Variants in OTOGL observed in about 807,000 individuals in gnomAD.
OTOGL encodes the protein otogelin-like protein.
OTOGL carries 285 observed loss-of-function variants against 318.5 expected under a neutral mutation model. That is an observed-to-expected ratio of 0.89 (90% confidence interval 0.81 to 0.99). OTOGL has a LOEUF of 0.99. Ranked by LOEUF, OTOGL falls within the 50% of genes least tolerant of loss-of-function variation. OTOGL has a pLI of 0.00. For missense variants in OTOGL, 2,899 were observed against 2,845.6 expected (o/e 1.02, Z -0.43); for synonymous variants, 987 against 936.5 (o/e 1.05, Z -0.99).
At chr12:80,353,595 A>G (rs1432003463) in intron 46 of OTOGL, 85 bp downstream of exon 46, 12 of 1,110,494 alleles carry the variant, frequency 1.1e-5, no homozygotes, top group Non-Finnish European at 1.3e-5. Context: ...ATGTGCTAAC[A>G]AAGGTTTATC....
chr12:80,354,027 A>T (rs1391722578), intron 46 of OTOGL, among the ~76,000 whole-genome samples: 1 of 152,178 alleles, frequency 6.6e-6, no homozygotes, highest in East Asian at 1.9e-4. Context: ...ACCAAAACTC[A>T]TGTTGAGGTT....
chr12:80,303,180 G>T (rs756652630), intron 28 of OTOGL, among the ~76,000 whole-genome samples: 17 of 151,698 alleles, frequency 1.1e-4, no homozygotes, highest in Non-Finnish European at 2.2e-4. Flanking sequence ...TTTTGAGACG[G>T]AGTCTGGCTC....
intron 15 of OTOGL, 26 bp downstream of exon 15, chr12:80,254,596 A>G (rs374316866): frequency 1.3e-6 from 2 of 1,578,988 alleles, no homozygotes; most frequent in African/African-American, 2.7e-5. Context: ...GTTTTTATAG[A>G]GAATGTTTCA....
At position 80,367,781 on chromosome 12, in the gene OTOGL, T is replaced by C. The variant is rs761941068; in HGVS notation, c.6510+42T>C. ...ATTTATTCTGGTGAGAGTTAATGCA[T>C]TCAAAAATGGCAGAGTTATAGAATT... On this transcript the variant is annotated intron_variant, in intron 54 of 58. Coordinates refer to ENST00000547103, the MANE Select transcript of OTOGL (RefSeq NM_001378609.3). 7.9e-6 allele frequency: 10 copies of C among 1,264,120 alleles called. No individual in the cohort carries two copies. In the South Asian group the frequency reaches 2.1e-4, roughly 27 times the overall value. The allele number at this position is 1,264,120 out of a possible 1,614,324, so 78.3% of individuals were successfully genotyped here. A position where few individuals can be genotyped will look rare whatever the true frequency, so the allele number is the denominator to read the frequency against.
intron 17 of OTOGL, 115 bp from the exon 18 acceptor site, chr12:80,257,710 C>G: frequency 3.7e-6 from 4 of 1,071,830 alleles, no homozygotes; most frequent in Non-Finnish European, 5.1e-6. Flanking sequence ...AACCACTAGC[C>G]TGCCTCTCCT....
At chr12:80,202,618 A>AT (rs1876540310) in intron 1 of OTOGL, among the ~76,000 whole-genome samples, 1 of 151,884 alleles carries the variant, frequency 6.6e-6, no homozygotes, top group African/African-American at 2.4e-5. Context: ...ATGTACCTTT[A>AT]TTTTTTTGCA....
chr12:80,365,390 A>G (rs943688090), intron 52 of OTOGL, among the ~76,000 whole-genome samples: 2 of 152,118 alleles, frequency 1.3e-5, no homozygotes, highest in African/African-American at 4.8e-5. Flanking sequence ...GCAACTTAGA[A>G]TAAAAGCATA....
At chr12:80,147,002 C>A (rs1203215285) in intron 1 of OTOGL, among the ~76,000 whole-genome samples, 1 of 151,954 alleles carries the variant, frequency 6.6e-6, no homozygotes, top group African/African-American at 2.4e-5. Context: ...TTTCAAAAAA[C>A]CAGCTCCTGG....
chr12:80,113,625 A>T (rs1869980630), intron 1 of OTOGL, among the ~76,000 whole-genome samples: 1 of 151,412 alleles, frequency 6.6e-6, no homozygotes, highest in Non-Finnish European at 1.5e-5. Context: ...GACTGTTATG[A>T]TTTCATAGAT....
chr12:80,344,837 A>G (rs1039663376), intron 44 of OTOGL, among the ~76,000 whole-genome samples: 10 of 151,116 alleles, frequency 6.6e-5, no homozygotes, highest in Non-Finnish European at 1.3e-4. Context: ...TCTTGCTTTT[A>G]TATTTTCTTA....
chr12:80,369,544 ATAG>A (rs1566021437), intron 55 of OTOGL, among the ~76,000 whole-genome samples: 3 of 151,828 alleles, frequency 2.0e-5, no homozygotes, highest in Non-Finnish European at 4.4e-5. Context: ...TGAATCATGA[ATAG>A]TAGTAAGAAT....
intron 11 of OTOGL, among the ~76,000 whole-genome samples, chr12:80,247,182 T>G (rs1208070847): frequency 1.3e-5 from 2 of 148,238 alleles, no homozygotes; most frequent in Non-Finnish European, 3.0e-5. Context: ...GCTCTGATTT[T>G]AGTTATTTCT....
chr12:80,371,794 CTT>C, intron 56 of OTOGL, among the ~76,000 whole-genome samples: 1 of 152,216 alleles, frequency 6.6e-6, no homozygotes, highest in Non-Finnish European at 1.5e-5. Flanking sequence ...CTTTTACACT[CTT>C]TTCCATAGTA....
chr12:80,120,018 T>C (rs906178556), intron 1 of OTOGL, among the ~76,000 whole-genome samples: 5 of 152,184 alleles, frequency 3.3e-5, no homozygotes, highest in African/African-American at 1.2e-4. Context: ...AAAGCAATAG[T>C]TCAATTCTTT....
intron 1 of OTOGL, among the ~76,000 whole-genome samples, chr12:80,201,122 G>A (rs569258514): frequency 6.6e-6 from 1 of 152,318 alleles, no homozygotes; most frequent in Admixed American, 6.5e-5. Flanking sequence ...ATGGAGGCAA[G>A]TGGAACTGGA....
chr12:80,378,269 G>A lies in OTOGL; in HGVS notation c.*221G>A. The A allele has an allele frequency of 4.5e-6, 2 of 440,602 alleles. No individual in the cohort carries two copies. Among genetic ancestry groups the A allele is most frequent in the Middle Eastern group, 6.2e-4 (1 of 1,616 alleles). The allele number at this position is 440,602 out of a possible 1,614,324, so 27.3% of individuals were successfully genotyped here. On this transcript the variant is annotated 3_prime_UTR_variant, in exon 59 of 59. Transcript: ENST00000547103. ...ATTTTAGAAAATCAAATGACTGTAA[G>A]TTGTTCAGCTGAAATGCTGTTATGT...
At chr12:80,158,033 A>G (rs1873243415) in intron 1 of OTOGL, among the ~76,000 whole-genome samples, 2 of 152,156 alleles carry the variant, frequency 1.3e-5, no homozygotes, top group Non-Finnish European at 2.9e-5. Flanking sequence ...ATAAATATAA[A>G]CTAAGTAGAA....
At chr12:80,195,962 A>G (rs1234010611) in intron 1 of OTOGL, among the ~76,000 whole-genome samples, 1 of 152,248 alleles carries the variant, frequency 6.6e-6, no homozygotes, top group Non-Finnish European at 1.5e-5. Flanking sequence ...ATCTAAAATC[A>G]TGAATACATT....
intron 1 of OTOGL, among the ~76,000 whole-genome samples, chr12:80,141,655 C>T (rs1871954464): frequency 6.6e-6 from 1 of 152,136 alleles, no homozygotes; most frequent in African/African-American, 2.4e-5. Context: ...CCTCATTTTG[C>T]TTTCCTTCCC....
Sources: gnomAD v4.1 joint callset for allele counts (sites outside exome capture counted in the v4.1 genomes callset) on GRCh38, gnomAD v4.1.1 for gene constraint, MANE v1.5 for transcripts, NCBI Gene and HGNC (gene_info 2026-07-23, HGNC 2026-07-21) for gene names.